KCNH7: variants seen among roughly 807,000 people sequenced by gnomAD.
KCNH7 encodes potassium voltage-gated channel subfamily H member 7.
In KCNH7, 49 loss-of-function variants were observed where a neutral mutation model predicts 120.8. The ratio of observed to expected loss-of-function variants is 0.41; its 90% CI spans 0.32 to 0.51. The LOEUF (loss-of-function observed/expected upper bound fraction) is 0.51, where lower values mean the gene tolerates loss of function less well. Ranked by LOEUF, KCNH7 falls within the 20% of genes least tolerant of loss-of-function variation. KCNH7 has a pLI of 0.38. For synonymous variants in KCNH7, 547 were observed against 516.1 expected, an observed-to-expected ratio of 1.06 and a Z score of -0.81; for missense variants, 1,097 against 1,446.6, an observed-to-expected ratio of 0.76 and a Z score of 3.92.
chr2:162,753,914 G>A (rs1212886006), intron 2 of KCNH7, among the ~76,000 whole-genome samples: 1 of 151,282 alleles, frequency 6.6e-6, no homozygotes, highest in Non-Finnish European at 1.5e-5. Flanking sequence ...GTTTATAAGT[G>A]GATCATTTAT....
Position 162,838,559 on chromosome 2 carries a change from G to A in KCNH7, c.-41C>T. 1 of 1,537,778 alleles carries A rather than the reference G, an allele frequency of 6.5e-7. No homozygotes were observed. Among genetic ancestry groups the A allele is most frequent in the Non-Finnish European group, 8.9e-7 (1 of 1,117,524 alleles). ...CCGAGGAGCGCTCCCCCGGAGCTCT[G>A]GAGTTCTCCCGGGATCTCTCCTCGG... On this transcript the variant is annotated 5_prime_UTR_variant, in exon 1 of 16. Transcript: ENST00000332142.
chr2:162,496,719 T>C (rs1330463947), intron 6 of KCNH7, among the ~76,000 whole-genome samples: 1 of 152,204 alleles, frequency 6.6e-6, no homozygotes, highest in East Asian at 1.9e-4. Context: ...GAGTGAAGAA[T>C]CAATGAGTCT....
intron 2 of KCNH7, among the ~76,000 whole-genome samples, chr2:162,781,570 A>G (rs1683487689): frequency 1.3e-5 from 2 of 152,180 alleles, no homozygotes; most frequent in South Asian, 2.1e-4. Context: ...AAATGAAAGT[A>G]GTAACAGGGG....
At chr2:162,665,891 G>T (rs1467671149) in intron 2 of KCNH7, among the ~76,000 whole-genome samples, 1 of 152,066 alleles carries the variant, frequency 6.6e-6, no homozygotes, top group Non-Finnish European at 1.5e-5. Context: ...CATCAAATTT[G>T]CTGCTTCAAA....
intron 3 of KCNH7, among the ~76,000 whole-genome samples, chr2:162,524,656 G>T (rs1293885339): frequency 6.6e-6 from 1 of 151,962 alleles, no homozygotes; most frequent in East Asian, 1.9e-4. Context: ...ATCAGTGTGA[G>T]AATTTTCTCC....
chr2:162,713,256 G>C lies in KCNH7; in HGVS notation c.307+123281C>G, dbSNP rs1686991749. Among the ~76,000 whole-genome samples the C allele has an allele frequency of 2.0e-5, 3 of 152,180 alleles. No individual in the cohort carries two copies. The South Asian group carries it at 6.2e-4, about 31-fold the overall frequency. ...ATTCTTTATTTCACCAGTTGAGACA[G>C]AAAGAGAGAGCATCTCAACTGGGAA... On this transcript the variant is annotated intron_variant, in intron 2 of 15. Coordinates refer to ENST00000332142, the MANE Select transcript of KCNH7 (RefSeq NM_033272.4).
chr2:162,477,657 T>C (rs1014102946), intron 6 of KCNH7, among the ~76,000 whole-genome samples: 1 of 152,238 alleles, frequency 6.6e-6, no homozygotes, highest in Non-Finnish European at 1.5e-5. Context: ...TAATACTTAT[T>C]TATTTTCAGT....
intron 6 of KCNH7, among the ~76,000 whole-genome samples, chr2:162,466,274 A>C (rs1689301598): frequency 6.6e-6 from 1 of 152,178 alleles, no homozygotes; most frequent in Non-Finnish European, 1.5e-5. Context: ...TCATGCTGCT[A>C]TAAAGAACCG....
intron 6 of KCNH7, among the ~76,000 whole-genome samples, chr2:162,470,149 T>C (rs867472215): frequency 3.3e-4 from 46 of 139,204 alleles, no homozygotes; most frequent in Admixed American, 7.1e-4. Context: ...AAGTGAGGAG[T>C]GTCTCTGCCT....
intron 12 of KCNH7, among the ~76,000 whole-genome samples, chr2:162,392,520 G>T (rs1485613884): frequency 6.6e-6 from 1 of 151,916 alleles, no homozygotes; most frequent in Non-Finnish European, 1.5e-5. Context: ...AAAGGGAAAA[G>T]AATAAAAAGG....
At chr2:162,748,491 A>T (rs1186230177) in intron 2 of KCNH7, among the ~76,000 whole-genome samples, 1 of 152,202 alleles carries the variant, frequency 6.6e-6, no homozygotes, top group Non-Finnish European at 1.5e-5. Context: ...GTGGAATATA[A>T]AATACCTATG....
At chr2:162,378,165 G>T (rs1455843071) in intron 14 of KCNH7, among the ~76,000 whole-genome samples, 1 of 152,166 alleles carries the variant, frequency 6.6e-6, no homozygotes, top group Non-Finnish European at 1.5e-5. Flanking sequence ...TCTGCAAGTA[G>T]AACAACTTCC....
At position 162,446,250 on chromosome 2, in the gene KCNH7, C is replaced by T. The variant is rs1251173767; in HGVS notation, c.1322G>A (p.Arg441Lys). ...FLLNDREEQK[R>K]RECGYSCSPL... ...GCTACAAGAATAGCCACATTCTCGT[C>T]TTTTCTGTTCTTCTCTGTCATTGAG... Residue 441 changes from arginine (R) to lysine (K), a missense_variant, in exon 7 of 16, where the codon AGA (arginine) becomes AAA (lysine). Physicochemically the swap from Arg to Lys is conservative, Grantham distance 26. This residue lies in a region of KCNH7 where 109 missense variants were observed against 196.8 expected (regional missense o/e 0.55). Coordinates refer to ENST00000332142, the MANE Select transcript of KCNH7 (RefSeq NM_033272.4). 6.2e-7 allele frequency: 1 copy of T among 1,613,886 alleles called. No individual in the cohort carries two copies. Among genetic ancestry groups the T allele is most frequent in the Non-Finnish European group, 8.5e-7 (1 of 1,179,846 alleles).
At chr2:162,665,794 A>C (rs1260983341) in intron 2 of KCNH7, among the ~76,000 whole-genome samples, 1 of 152,132 alleles carries the variant, frequency 6.6e-6, no homozygotes, top group African/African-American at 2.4e-5. Context: ...AATTAAATTC[A>C]ATTAAACTAT....
chr2:162,375,467 C>T (rs1686130763), intron 14 of KCNH7, among the ~76,000 whole-genome samples: 1 of 152,132 alleles, frequency 6.6e-6, no homozygotes, highest in African/African-American at 2.4e-5. Flanking sequence ...TCCATACATC[C>T]AGTAATTGCA....
Position 162,588,702 on chromosome 2 carries a change from C to T in KCNH7, c.308-51622G>A, listed in dbSNP as rs528107919. ...TCAGATCAGAGTAATTATCTGTCAT[C>T]TCAACATCTACCACTTCTTCATGTT... On this transcript the variant is annotated intron_variant, in intron 2 of 15. Coordinates refer to ENST00000332142, the MANE Select transcript of KCNH7 (RefSeq NM_033272.4). 2.0e-5 allele frequency among the ~76,000 whole-genome samples: 3 copies of T among 152,188 alleles called. No homozygotes were observed. In the South Asian group the frequency reaches 6.2e-4, roughly 32 times the overall value.
chr2:162,834,848 T>A (rs12104888), intron 2 of KCNH7, among the ~76,000 whole-genome samples: 3,935 of 152,218 alleles, frequency 0.026, 166 homozygotes, highest in African/African-American at 0.089. Context: ...TCCAGATTAA[T>A]GTCATACTTA....
intron 2 of KCNH7, among the ~76,000 whole-genome samples, chr2:162,646,351 T>C (rs1463043207): frequency 2.0e-5 from 3 of 152,186 alleles, no homozygotes; most frequent in Non-Finnish European, 4.4e-5. Flanking sequence ...ACCTATGTTG[T>C]CCTCTCTACC....
intron 8 of KCNH7, among the ~76,000 whole-genome samples, chr2:162,434,035 C>A (rs1051394817): frequency 6.6e-5 from 10 of 152,030 alleles, no homozygotes; most frequent in Non-Finnish European, 1.3e-4. Flanking sequence ...ACAATATGGA[C>A]TACTATGCAG....
Sources: allele counts gnomAD v4.1 joint callset (sites outside exome capture counted in the v4.1 genomes callset), GRCh38; gene constraint gnomAD v4.1.1; regional missense constraint gnomAD v4.1.1; transcripts MANE v1.5; gene names NCBI Gene and HGNC (gene_info 2026-07-23, HGNC 2026-07-21).